The following MMP25 variants were observed in gnomAD, a reference collection of about 807,000 sequenced individuals.
MMP25 encodes matrix metalloproteinase-25.
A neutral mutation model predicts 62.1 loss-of-function variants in MMP25; 68 were observed. That is an observed-to-expected ratio of 1.10 (90% CI 0.90 to 1.34). The LOEUF is 1.34. MMP25 is among the 40% of genes most tolerant of loss of function. MMP25 has a pLI of 0.00. For synonymous variants in MMP25, 407 were observed against 345.6 expected (o/e 1.18, Z -1.97); for missense variants, 942 against 792.5 (o/e 1.19, Z -2.26).
chr16:3,055,671 C>A, intron 4 of MMP25: 2 of 351,516 alleles, frequency 5.7e-6, no homozygotes, highest in South Asian at 4.2e-5. Flanking sequence ...CTTTAGGGAC[C>A]GAGAGAAATT....
Position 3,057,623 on chromosome 16 carries a change from T to G in MMP25, c.1006+10T>G, listed in dbSNP as rs933460738. ...ACTTTCTTCTTCAAAGGTGAGTCAT[T>G]TCACTTGGCCTCATATATGTTGGTT... On this transcript the variant is annotated intron_variant, in intron 7 of 9. Transcript: ENST00000336577. 6.8e-6 allele frequency: 11 copies of G among 1,613,600 alleles called. No individual in the cohort carries two copies. Among genetic ancestry groups the G allele is most frequent in the South Asian group, 1.1e-5 (1 of 91,074 alleles).
intron 4 of MMP25, chr16:3,056,194 T>A (rs1466074690): frequency 1.3e-5 from 2 of 158,838 alleles, no homozygotes; most frequent in Non-Finnish European, 2.6e-5. Flanking sequence ...TGAGGGAAGG[T>A]CTTGGGTCAA....
chr16:3,057,246 C>A (rs757566845), intron 5 of MMP25, 37 bp downstream of exon 5: 2 of 1,613,838 alleles, frequency 1.2e-6, no homozygotes, highest in South Asian at 1.1e-5. Flanking sequence ...ACCATCATTG[C>A]CCCATCCAGT....
In MMP25 at chr16:3,058,861, G is replaced by C; in HGVS notation, c.1452G>C (p.Trp484Cys). 6.5e-7 allele frequency: 1 copy of C among 1,544,548 alleles called. No individual in the cohort carries two copies. Among genetic ancestry groups the C allele is most frequent in the East Asian group, 2.3e-5 (1 of 42,868 alleles). ...ACTTCTTCAAGGGCGCCCACTACTG[G>C]CGCTTCCCCAAGAACAGCATCAAGA... ...DTYFFKGAHY[W>C]RFPKNSIKTE... Residue 484 changes from tryptophan (W) to cysteine (C), a missense_variant, in exon 10 of 10, where the codon TGG becomes TGC. Physicochemically the swap from Trp to Cys is radical, Grantham distance 215. Coordinates refer to ENST00000336577, the MANE Select transcript of MMP25 (RefSeq NM_022468.5).
At chr16:3,047,101 G>C in intron 1 of MMP25, 85 bp downstream of exon 1, 1 of 1,308,224 alleles carries the variant, frequency 7.6e-7, no homozygotes, top group Non-Finnish European at 9.9e-7. Flanking sequence ...TCCGGAGGAG[G>C]CAGGGGCCAG....
Position 3,058,576 on chromosome 16 carries a change from G to A in MMP25, c.1324G>A (p.Ala442Thr). 1 of 1,608,982 alleles carries A rather than the reference G, an allele frequency of 6.2e-7. No individual in the cohort carries two copies. Among genetic ancestry groups the A allele is most frequent in the Non-Finnish European group, 8.5e-7 (1 of 1,178,472 alleles). ...RGRQYWRYDEAAARPDPGYPR... is the reference protein window; with the variant it reads ...RGRQYWRYDETAARPDPGYPR... ...CCGGCAGTACTGGCGCTACGACGAGGCGGCGGCGCGCCCGGACCCCGGCTA... is the reference window on the plus strand; with the variant it reads ...CCGGCAGTACTGGCGCTACGACGAGACGGCGGCGCGCCCGGACCCCGGCTA... Residue 442 changes from alanine to threonine, a missense_variant, in exon 9 of 10, where the codon GCG becomes ACG. Coordinates refer to ENST00000336577, the MANE Select transcript of MMP25 (RefSeq NM_022468.5).
rs754034525 is a variant in MMP25, at chr16:3,058,303, C to CTCGAG, written c.1129_1130insTCGAG (p.His377LeufsTer80). 6 of 1,603,404 alleles carry CTCGAG rather than the reference C, an allele frequency of 3.7e-6. No individual in the cohort carries two copies. The highest frequency in any genetic ancestry group is 5.1e-6 in the Non-Finnish European group (6 of 1,176,510). On this transcript the variant is annotated frameshift_variant, in exon 8 of 10. Coordinates refer to ENST00000336577, the MANE Select transcript of MMP25 (RefSeq NM_022468.5). LOFTEE classifies it high-confidence loss of function. ...GGTGGTGCAGGCCGCCTATGCTCGG[C>CTCGAG]ACCGAGACGGCCGAATCCTCCTCTT...
intron 2 of MMP25, among the ~76,000 whole-genome samples, chr16:3,048,581 G>T (rs907931688): frequency 1.3e-5 from 2 of 152,132 alleles, no homozygotes; most frequent in Admixed American, 1.3e-4. Context: ...CAAAGAGGAG[G>T]AACCAGCCAT....
intron 7 of MMP25, 81 bp from the exon 8 acceptor site, chr16:3,058,100 C>A (rs919659187): frequency 6.5e-7 from 1 of 1,538,634 alleles, no homozygotes; most frequent in East Asian, 2.4e-5. Flanking sequence ...GATGGGACCC[C>A]TCCCCACCCA....
intron 2 of MMP25, among the ~76,000 whole-genome samples, chr16:3,049,074 C>T (rs1166773663): frequency 6.6e-6 from 1 of 151,924 alleles, no homozygotes; most frequent in Admixed American, 6.6e-5. Context: ...TCCCACAGTG[C>T]TGGGATTACA....
At chr16:3,058,104 C>G in intron 7 of MMP25, 77 bp from the exon 8 acceptor site, 1 of 1,542,072 alleles carries the variant, frequency 6.5e-7, no homozygotes. Flanking sequence ...GGACCCCTCC[C>G]CACCCAGCCA....
chr16:3,047,490 C>T lies in MMP25; in HGVS notation c.175C>T (p.Arg59Cys). 3 of 1,613,892 alleles carry T rather than the reference C, an allele frequency of 1.9e-6. No homozygotes were observed. The highest frequency in any genetic ancestry group is 2.5e-6 in the Non-Finnish European group (3 of 1,179,970). Residue 59 changes from arginine to cysteine, a missense_variant, in exon 2 of 10, where the codon CGC becomes TGC. Transcript: ENST00000336577. The stretch of plus-strand genomic sequence containing the variant: ...CCAGCTGCAGAGCCCTGAGAAGTTG[C>T]GCGATGCCATCAAAGTCATGCAGAG... Reference protein sequence around the residue: ...QAQLQSPEKLRDAIKVMQRFA... With the variant: ...QAQLQSPEKLCDAIKVMQRFA...
Position 3,058,612 on chromosome 16 carries a change from C to G in MMP25, c.1360C>G (p.Leu454Val), listed in dbSNP as rs199631635. Residue 454 changes from leucine to valine, a missense_variant, in exon 9 of 10, where the codon CTG becomes GTG. By Grantham distance (32) the Leu-to-Val change is conservative (BLOSUM62 1). Transcript: ENST00000336577. ...ARPDPGYPRD[L>V]SLWEGAPPSP... ...CCCGGACCCCGGCTACCCTCGCGACCTGAGCCTCTGGGAAGGCGCGCCCCC... is the reference window on the plus strand; with the variant it reads ...CCCGGACCCCGGCTACCCTCGCGACGTGAGCCTCTGGGAAGGCGCGCCCCC... 335 of 1,607,134 alleles carry G rather than the reference C, an allele frequency of 2.1e-4. 1 individual carries two copies. Among genetic ancestry groups the G allele is most frequent in the Non-Finnish European group, 2.5e-4 (297 of 1,177,668 alleles).
At chr16:3,047,835 A>G (rs1164245892) in intron 2 of MMP25, among the ~76,000 whole-genome samples, 1 of 131,648 alleles carries the variant, frequency 7.6e-6, no homozygotes, top group East Asian at 2.1e-4. Flanking sequence ...CCACTCTCCA[A>G]GGATTTTTTT....
In MMP25 at chr16:3,059,214, GC is replaced by G; in HGVS notation, c.*117del. On this transcript the variant is annotated 3_prime_UTR_variant, in exon 10 of 10. Transcript: ENST00000336577. ...CCCTTGTCTGTTCCCACGGACGGGG[GC>G]TCGGGCGCGGACTAAGCAGGGGGGA... The G allele has an allele frequency of 7.8e-7, 1 of 1,281,962 alleles. No homozygotes were observed. The allele number at this position is 1,281,962 out of a possible 1,614,324, so 79.4% of individuals were successfully genotyped here.
rs546364623 is a variant in MMP25 at position 3,052,584 on chromosome 16, G to A, written c.661+2038G>A. On this transcript the variant is annotated intron_variant, in intron 4 of 9. Transcript: ENST00000336577. Reference sequence around the variant, plus strand: ...GACGGATCTGAGGGAGGTTCAGTTAGGATGGGCAAGGATTGAGATCTGGCT... The same window carrying A: ...GACGGATCTGAGGGAGGTTCAGTTAAGATGGGCAAGGATTGAGATCTGGCT... 67 of 152,200 alleles carry A rather than the reference G, an allele frequency of 4.4e-4. No homozygotes were observed. The South Asian group carries it at 5.7e-3, about 13-fold the overall frequency. 9.4% of individuals were successfully genotyped at this position (152,200 alleles called of 1,614,324 possible).
Position 3,057,531 on chromosome 16 carries a change from C to T in MMP25, c.924C>T (p.Ser308=), listed in dbSNP as rs759783725. The T allele has an allele frequency of 3.7e-6, 6 of 1,613,804 alleles. No homozygotes were observed. The highest frequency in any genetic ancestry group is 5.1e-6 in the Non-Finnish European group (6 of 1,179,714). Reference sequence around the variant, plus strand: ...TACTCACCTCTCCTTTCCTCCCCAGCCCATCCTTCCCCATCCCTGATCGAT... The same window carrying T: ...TACTCACCTCTCCTTTCCTCCCCAGTCCATCCTTCCCCATCCCTGATCGAT... ...PPQPPASPTH[S]PSFPIPDRCE... The change falls in exon 7 of 10, where the codon AGC becomes AGT. Residue 308 remains serine, a splice_region_variant and synonymous_variant. Coordinates refer to ENST00000336577, the MANE Select transcript of MMP25 (RefSeq NM_022468.5).
chr16:3,059,410 G>A lies in MMP25; in HGVS notation c.*312G>A, dbSNP rs28434657. ...GTCGTTCCCTCCCGGCTGCCGCCAG[G>A]GGGCGGTCGGACCCCGCCTCCCGAG... On this transcript the variant is annotated 3_prime_UTR_variant, in exon 10 of 10. Coordinates refer to ENST00000336577, the MANE Select transcript of MMP25 (RefSeq NM_022468.5). The A allele has an allele frequency of 0.16, 42,911 of 270,748 alleles. 3,562 individuals carry two copies. The highest frequency in any genetic ancestry group is 0.2 in the Admixed American group (3,772 of 18,606). The allele number at this position is 270,748 out of a possible 1,614,324, so 16.8% of individuals were successfully genotyped here. A position where few individuals can be genotyped will look rare whatever the true frequency, so the allele number is the denominator to read the frequency against.
chr16:3,058,733 G>C, intron 9 of MMP25, 64 bp downstream of exon 9: 1 of 1,530,598 alleles, frequency 6.5e-7, no homozygotes, highest in African/African-American at 1.4e-5. Flanking sequence ...GTGGGGAATG[G>C]GGACATGGAG....
Sources: gnomAD v4.1 joint callset for allele counts (sites outside exome capture counted in the v4.1 genomes callset) on GRCh38, gnomAD v4.1.1 for gene constraint, MANE v1.5 for transcripts, NCBI Gene and HGNC (gene_info 2026-07-23, HGNC 2026-07-21) for gene names.